The following LIPA variants were observed in gnomAD, a reference collection of about 807,000 sequenced individuals.
The protein encoded by LIPA is lipase A, lysosomal acid type.
A neutral mutation model predicts 40.6 loss-of-function variants in LIPA; 26 were observed. The ratio of observed to expected loss-of-function variants is 0.64; its 90% CI spans 0.47 to 0.89. LIPA has a LOEUF of 0.89. Among genes scored for constraint, LIPA ranks in the 40% least tolerant of loss-of-function variants. The probability of loss-of-function intolerance (pLI) is 0.00; values close to 1 mark genes in which losing one functional copy is unlikely to be tolerated. For synonymous variants in LIPA, 188 were observed against 168.4 expected (o/e 1.12, Z -0.90); for missense variants, 455 against 479.6 (o/e 0.95, Z 0.48).
intron 2 of LIPA, chr10:89,385,080 A>T: frequency 5.2e-6 from 1 of 193,432 alleles, no homozygotes; most frequent in Non-Finnish European, 1.1e-5. Flanking sequence ...AACCCTGTTT[A>T]CTGCCTATGT....
rs140745591 is a variant in LIPA, at chr10:89,389,567, A to G, written c.61+23224T>C. Among the ~76,000 whole-genome samples, 451 of 152,338 alleles carry G rather than the reference A, an allele frequency of 3.0e-3. 1 individual carries two copies. Among genetic ancestry groups the G allele is most frequent in the African/African-American group, 0.01 (424 of 41,574 alleles). ...GCAAGCTGATAAGAGATTTTAGACT[A>G]CAAGAGATGACCCTGGAAAAGACAG... is the stretch of plus-strand genomic sequence containing the variant. On this transcript the variant is annotated intron_variant, in intron 2 of 8. Coordinates refer to the LIPA transcript ENST00000371837.
At chr10:89,275,189 A>G (rs1843283665) in intron 1 of LIPA, among the ~76,000 whole-genome samples, 1 of 152,176 alleles carries the variant, frequency 6.6e-6, no homozygotes, top group Non-Finnish European at 1.5e-5. Flanking sequence ...TAGCCTTTTT[A>G]TGCTTGGAAC....
chr10:89,231,433 A>G (rs1422559935), intron 3 of LIPA, among the ~76,000 whole-genome samples: 1 of 152,072 alleles, frequency 6.6e-6, no homozygotes, highest in Non-Finnish European at 1.5e-5. Flanking sequence ...TCGTGTTGTT[A>G]AAATAGCAGG....
At chr10:89,254,020 T>G (rs745608852), upstream of LIPA, among the ~76,000 whole-genome samples, 79 of 152,322 alleles carry the variant, frequency 5.2e-4, no homozygotes, top group Middle Eastern at 6.8e-3. Context: ...CTGGCTCCTT[T>G]CACAGGCTGG....
intron 2 of LIPA, among the ~76,000 whole-genome samples, chr10:89,389,128 G>A (rs1844228453): frequency 6.6e-6 from 1 of 152,150 alleles, no homozygotes; most frequent in Admixed American, 6.5e-5. Context: ...ATTCAAAAGA[G>A]TATATAACAT....
At chr10:89,354,007 T>C (rs1843975568) in intron 2 of LIPA, among the ~76,000 whole-genome samples, 1 of 152,178 alleles carries the variant, frequency 6.6e-6, no homozygotes, top group African/African-American at 2.4e-5. Context: ...TCTAAAACTT[T>C]TTAATAAACT....
At chr10:89,327,821 G>C (rs912663684) in intron 1 of LIPA, 6 of 508,500 alleles carry the variant, frequency 1.2e-5, no homozygotes, top group Non-Finnish European at 2.1e-5. Flanking sequence ...CTCAGCCATT[G>C]CAGGTCTCAA....
At chr10:89,248,458 T>G (rs1184929284) in intron 1 of LIPA, among the ~76,000 whole-genome samples, 1 of 85,688 alleles carries the variant, frequency 1.2e-5, no homozygotes, top group African/African-American at 7.9e-5. Context: ...ATTTATTTAT[T>G]TATTTATTTA....
At chr10:89,339,559 G>A (rs760182387) in intron 1 of LIPA, 2 of 1,614,132 alleles carry the variant, frequency 1.2e-6, no homozygotes, top group Non-Finnish European at 8.5e-7. Context: ...TGAAGCTAGT[G>A]GAAATAAAGA....
At chr10:89,259,859 T>C (rs1843198086) in intron 1 of LIPA, among the ~76,000 whole-genome samples, 1 of 152,172 alleles carries the variant, frequency 6.6e-6, no homozygotes, top group African/African-American at 2.4e-5. Context: ...AGAAAATTAG[T>C]GGTTTCCTGG....
chr10:89,317,042 C>G (rs1378773000), intron 1 of LIPA, among the ~76,000 whole-genome samples: 1 of 152,156 alleles, frequency 6.6e-6, no homozygotes, highest in African/African-American at 2.4e-5. Context: ...GACATCCACA[C>G]CAAAACCCCA....
chr10:89,321,937 G>C (rs547646189), intron 1 of LIPA, among the ~76,000 whole-genome samples: 1 of 152,268 alleles, frequency 6.6e-6, no homozygotes, highest in South Asian at 2.1e-4. Flanking sequence ...GATGAAGCTG[G>C]AAACCATCAT....
intron 1 of LIPA, among the ~76,000 whole-genome samples, chr10:89,257,004 G>A (rs1175948711): frequency 6.6e-6 from 1 of 152,190 alleles, no homozygotes; most frequent in Admixed American, 6.5e-5. Context: ...ATTATACTAT[G>A]TGCATATTTA....
chr10:89,342,509 G>A (rs985561565), intron 1 of LIPA: 1 of 152,088 alleles, frequency 6.6e-6, no homozygotes. Context: ...ACAATTCCTG[G>A]GTTAAAGCAA....
intron 2 of LIPA, among the ~76,000 whole-genome samples, chr10:89,382,882 A>C (rs1043708928): frequency 1.3e-5 from 2 of 152,224 alleles, no homozygotes; most frequent in African/African-American, 4.8e-5. Context: ...GAGAAAACCA[A>C]AATGTGTTTA....
intron 1 of LIPA, among the ~76,000 whole-genome samples, chr10:89,313,953 C>T (rs966471253): frequency 1.3e-5 from 2 of 152,108 alleles, no homozygotes; most frequent in Non-Finnish European, 2.9e-5. Flanking sequence ...GGTTGCATAA[C>T]TGTGAATATA....
chr10:89,355,183 CT>C (rs1843982792), intron 2 of LIPA, among the ~76,000 whole-genome samples: 1 of 152,204 alleles, frequency 6.6e-6, no homozygotes, highest in South Asian at 2.1e-4. Context: ...TGTCTGCCCC[CT>C]AGTAGGATTC....
At chr10:89,305,201 A>G (rs1392799183) in intron 1 of LIPA, among the ~76,000 whole-genome samples, 1 of 152,126 alleles carries the variant, frequency 6.6e-6, no homozygotes, top group African/African-American at 2.4e-5. Flanking sequence ...ACAAAAGCAG[A>G]TAAAATGAGT....
chr10:89,214,836 A>G lies in LIPA; in HGVS notation c.1192T>C (p.Tyr398His). 1 of 1,580,950 alleles carries G rather than the reference A, an allele frequency of 6.3e-7. No individual in the cohort carries two copies. Among genetic ancestry groups the G allele is most frequent in the South Asian group, 1.1e-5 (1 of 90,314 alleles). ...YNKIINLMRK[Y>H]Q Reference sequence around the variant, plus strand: ...CAGCTCAAGTCCAGCTTTCACTGATATTTCCTCATTAGATTAATAATTTTA... The same window carrying G: ...CAGCTCAAGTCCAGCTTTCACTGATGTTTCCTCATTAGATTAATAATTTTA... Residue 398 changes from tyrosine (Y) to histidine (H), a missense_variant, in exon 10 of 10, where the codon TAT (tyrosine) becomes CAT (histidine). Tyr to His is a moderately conservative substitution (Grantham distance 83, BLOSUM62 2). Transcript: ENST00000336233.
Sources: allele counts gnomAD v4.1 joint callset (sites outside exome capture counted in the v4.1 genomes callset), GRCh38; gene constraint gnomAD v4.1.1; transcripts MANE v1.5; gene names NCBI Gene and HGNC (gene_info 2026-07-23, HGNC 2026-07-21).